LRTM2: variants seen among roughly 807,000 people sequenced by gnomAD.
LRTM2 encodes the protein leucine rich repeat transmembrane protein 2, also known as leucine-rich repeat and transmembrane domain-containing protein 2.
LRTM2 carries 18 observed loss-of-function variants against 28.1 expected under a neutral mutation model. That is an observed-to-expected ratio of 0.64 (90% CI 0.44 to 0.95). LRTM2 has a LOEUF of 0.95. Among genes scored for constraint, LRTM2 ranks in the 40% least tolerant of loss-of-function variants. LRTM2 has a pLI of 0.00. For missense variants in LRTM2, 436 were observed against 497.2 expected, an observed-to-expected ratio of 0.88 and a Z score of 1.17; for synonymous variants, 250 against 218.7, an observed-to-expected ratio of 1.14 and a Z score of -1.26.
chr12:1,822,874 C>T (rs1864163809), intron 1 of LRTM2, among the ~76,000 whole-genome samples: 2 of 152,154 alleles, frequency 1.3e-5, no homozygotes, highest in African/African-American at 4.8e-5. Flanking sequence ...GAATCTCGGG[C>T]CGTCTTTGGC....
chr12:1,830,540 T>C (rs1201885271), intron 3 of LRTM2, among the ~76,000 whole-genome samples: 1 of 152,138 alleles, frequency 6.6e-6, no homozygotes, highest in Non-Finnish European at 1.5e-5. Context: ...CTTATCTCCT[T>C]TCTTGTGTCA....
chr12:1,825,164 G>A (rs1324669108), intron 1 of LRTM2, among the ~76,000 whole-genome samples: 2 of 152,224 alleles, frequency 1.3e-5, no homozygotes, highest in African/African-American at 4.8e-5. Flanking sequence ...CTCCAGACCT[G>A]CACAAGAGGC....
At chr12:1,824,352 C>T (rs1025521553) in intron 1 of LRTM2, among the ~76,000 whole-genome samples, 8 of 152,206 alleles carry the variant, frequency 5.3e-5, no homozygotes, top group Admixed American at 3.3e-4. Flanking sequence ...AGACCAATGC[C>T]GCTGGTCCAT....
At chr12:1,825,947 G>A (rs1430282643) in intron 1 of LRTM2, among the ~76,000 whole-genome samples, 1 of 152,216 alleles carries the variant, frequency 6.6e-6, no homozygotes, top group Non-Finnish European at 1.5e-5. Flanking sequence ...AAGAGAGATT[G>A]TGCTGAAGGT....
Position 1,822,619 on chromosome 12 carries a change from A to G in LRTM2, c.-259+1805A>G, listed in dbSNP as rs11061986. Among the ~76,000 whole-genome samples the G allele has an allele frequency of 9.9e-3, 1,511 of 152,290 alleles. 33 individuals are homozygous for G. Among genetic ancestry groups the G allele is most frequent in the African/African-American group, 0.035 (1,449 of 41,548 alleles). On this transcript the variant is annotated intron_variant, in intron 1 of 4. Transcript: ENST00000299194. Reference sequence around the variant, plus strand: ...TTGAGATTGAGAATATTTGACAAGGAAACGGGGGTGCAGGAGGCTGGGGGT... The same window carrying G: ...TTGAGATTGAGAATATTTGACAAGGGAACGGGGGTGCAGGAGGCTGGGGGT...
At chr12:1,826,412 C>CCA (rs1864327070) in intron 1 of LRTM2, among the ~76,000 whole-genome samples, 3 of 41,626 alleles carry the variant, frequency 7.2e-5, no homozygotes, top group African/African-American at 1.2e-4. Flanking sequence ...CCCCCCCCCC[C>CCA]CCCCGCCAAC....
chr12:1,826,304 C>G (rs545787233), intron 1 of LRTM2, among the ~76,000 whole-genome samples: 1 of 151,972 alleles, frequency 6.6e-6, no homozygotes, highest in South Asian at 2.1e-4. Flanking sequence ...CTCCACCAAG[C>G]AGGTATTGCG....
chr12:1,833,653 C>G lies in LRTM2; in HGVS notation c.659-614C>G, dbSNP rs991579298. 1.3e-5 allele frequency among the ~76,000 whole-genome samples: 2 copies of G among 152,160 alleles called. No homozygotes were observed. The highest frequency in any genetic ancestry group is 2.9e-5 in the Non-Finnish European group (2 of 68,036). Reference sequence around the variant, plus strand: ...TCCTAAGGAGGAGAAGGAGAACATTCCTGCCCAACTCTTTTCCTCTTTACG... The same window carrying G: ...TCCTAAGGAGGAGAAGGAGAACATTGCTGCCCAACTCTTTTCCTCTTTACG... On this transcript the variant is annotated intron_variant, in intron 4 of 4. Transcript: ENST00000299194. The surrounding 1 kb of genome is among the most constrained non-coding windows in gnomAD (Gnocchi z 4.2).
rs955824510 is a variant in LRTM2 at position 1,823,597 on chromosome 12, G to A, written c.-259+2783G>A. Among the ~76,000 whole-genome samples the A allele has an allele frequency of 7.4e-5, 11 of 149,216 alleles. No individual in the cohort carries two copies. In the East Asian group the frequency reaches 1.4e-3, roughly 19 times the overall value. On this transcript the variant is annotated intron_variant, in intron 1 of 4. Coordinates refer to ENST00000299194, the MANE Select transcript of LRTM2 (RefSeq NM_001039029.3). ...CTTGGCTCCCCCAGAACAGAGCTCC[G>A]GCCTACTCCCCTCACCTCAGCACAC...
At chr12:1,827,970 G>A in intron 2 of LRTM2, 106 bp from the exon 3 acceptor site, 1 of 443,838 alleles carries the variant, frequency 2.3e-6, no homozygotes. Flanking sequence ...AGAGGAACAG[G>A]AGAGGGCATG....
chr12:1,836,750 T>A lies in LRTM2; in HGVS notation c.*2029T>A, dbSNP rs768150924. ...GACCAATAAAGACTGTATTTTCCTA[T>A]GTACTTCCTGGTTTCATTGGGTGGG... On this transcript the variant is annotated 3_prime_UTR_variant, in exon 5 of 5. Coordinates refer to ENST00000299194, the MANE Select transcript of LRTM2 (RefSeq NM_001039029.3). The A allele has an allele frequency of 6.5e-6, 1 of 152,708 alleles. No individual in the cohort carries two copies. The highest frequency in any genetic ancestry group is 1.5e-5 in the Non-Finnish European group (1 of 68,066). The allele number at this position is 152,708 out of a possible 1,614,324, so 9.5% of individuals were successfully genotyped here. A position where few individuals can be genotyped will look rare whatever the true frequency, so the allele number is the denominator to read the frequency against.
At position 1,834,563 on chromosome 12, in the gene LRTM2, G is replaced by A. The variant is rs140567368; in HGVS notation, c.955G>A (p.Gly319Ser). The change falls in exon 5 of 5, where the codon GGC becomes AGC. Residue 319 changes from glycine to serine, a missense_variant. Gly to Ser is a moderately conservative substitution (Grantham distance 56). Coordinates refer to ENST00000299194, the MANE Select transcript of LRTM2 (RefSeq NM_001039029.3). The surrounding 1 kb of genome is among the most constrained non-coding windows in gnomAD (Gnocchi z 7.6). Reference protein sequence around the residue: ...GTVIIAGVVCGVVCIMMVVAA... With the variant: ...GTVIIAGVVCSVVCIMMVVAA... Reference sequence around the variant, plus strand: ...GGTGATCATTGCAGGGGTCGTGTGCGGCGTCGTCTGCATCATGATGGTGGT... The same window carrying A: ...GGTGATCATTGCAGGGGTCGTGTGCAGCGTCGTCTGCATCATGATGGTGGT... The A allele has an allele frequency of 1.2e-5, 19 of 1,601,956 alleles. No individual in the cohort carries two copies. The highest frequency in any genetic ancestry group is 6.7e-5 in the Admixed American group (4 of 60,018).
rs1428292829 is a variant in LRTM2, at chr12:1,829,121, T to A, written c.67+906T>A. Among the ~76,000 whole-genome samples, 1 of 152,136 alleles carries A rather than the reference T, an allele frequency of 6.6e-6. No individual in the cohort carries two copies. The highest frequency in any genetic ancestry group is 2.4e-5 in the African/African-American group (1 of 41,418). ...CAACACCTCGCAATACGGGCTTATGTTTTCTTGTCACTGGAGCTTTTATGC... is the reference window on the plus strand; with the variant it reads ...CAACACCTCGCAATACGGGCTTATGATTTCTTGTCACTGGAGCTTTTATGC... On this transcript the variant is annotated intron_variant, in intron 3 of 4. Transcript: ENST00000299194. This position sits in a 1 kb window ranked among gnomAD's most constrained non-coding sequence, Gnocchi z 4.2.
At chr12:1,830,417 G>A (rs1864569543) in intron 3 of LRTM2, among the ~76,000 whole-genome samples, 1 of 152,250 alleles carries the variant, frequency 6.6e-6, no homozygotes. Context: ...CTCCAGAGTT[G>A]GGGTGGGCCA....
chr12:1,821,580 G>A (rs1370424895), intron 1 of LRTM2, among the ~76,000 whole-genome samples: 1 of 152,144 alleles, frequency 6.6e-6, no homozygotes, highest in Admixed American at 6.5e-5. Flanking sequence ...TCTGCAAATG[G>A]GTCAGGGAGC....
chr12:1,828,066 C>T lies in LRTM2; in HGVS notation c.-73-10C>T. On this transcript the variant is annotated splice_polypyrimidine_tract_variant and intron_variant, in intron 2 of 4. Coordinates refer to ENST00000299194, the MANE Select transcript of LRTM2 (RefSeq NM_001039029.3). This position sits in a 1 kb window ranked among gnomAD's most constrained non-coding sequence, Gnocchi z 4.2. ...CGCCTGCCTGTGCTCAGTGCTCCTC[C>T]CTCCCTCAGGACTGACAGGCGGCGC... 2 of 1,334,724 alleles carry T rather than the reference C, an allele frequency of 1.5e-6. No individual in the cohort carries two copies. Among genetic ancestry groups the T allele is most frequent in the Non-Finnish European group, 2.0e-6 (2 of 1,008,270 alleles). 82.7% of individuals were successfully genotyped at this position (1,334,724 alleles called of 1,614,324 possible).
chr12:1,834,864 G>A lies in LRTM2; in HGVS notation c.*143G>A, dbSNP rs949274209. 2.5e-5 allele frequency: 35 copies of A among 1,414,636 alleles called. No individual in the cohort carries two copies. The highest frequency in any genetic ancestry group is 2.9e-5 in the Admixed American group (1 of 34,940). The allele number at this position is 1,414,636 out of a possible 1,614,324, so 87.6% of individuals were successfully genotyped here. On this transcript the variant is annotated 3_prime_UTR_variant, in exon 5 of 5. Transcript: ENST00000299194. This position sits in a 1 kb window ranked among gnomAD's most constrained non-coding sequence, Gnocchi z 7.6. ...CGCCCTCCAGCAGACAAGCCACACC[G>A]GGTTCTCTCCCTGCACTTTCGAGGC... is the stretch of plus-strand genomic sequence containing the variant.
At chr12:1,825,012 G>T (rs1721675186) in intron 1 of LRTM2, among the ~76,000 whole-genome samples, 1 of 152,236 alleles carries the variant, frequency 6.6e-6, no homozygotes, top group African/African-American at 2.4e-5. Flanking sequence ...GAACCTGGGG[G>T]CCTTGTTTTC....
In LRTM2 at chr12:1,834,453, G is replaced by A. The variant is rs767459179; in HGVS notation, c.845G>A (p.Gly282Glu). 2 of 1,611,608 alleles carry A rather than the reference G, an allele frequency of 1.2e-6. No individual in the cohort carries two copies. The highest frequency in any genetic ancestry group is 2.7e-5 in the African/African-American group (2 of 74,918). ...ASPEPAKPKP[G>E]AEPEPEPSTA... is the part of the protein sequence containing the mutation. ...CCAGAGCCTGCTAAGCCCAAGCCCG[G>A]GGCTGAGCCGGAGCCGGAGCCCAGC... Residue 282 changes from glycine (G) to glutamate (E), a missense_variant, in exon 5 of 5, where the codon GGG (glycine) becomes GAG (glutamate). Gly to Glu is a moderately conservative substitution (Grantham distance 98). Transcript: ENST00000299194. This position sits in a 1 kb window ranked among gnomAD's most constrained non-coding sequence, Gnocchi z 7.6.
Sources: gnomAD v4.1 joint callset for allele counts (sites outside exome capture counted in the v4.1 genomes callset) on GRCh38, gnomAD v4.1.1 for gene constraint, Gnocchi (gnomAD v3.1) non-coding constraint, MANE v1.5 for transcripts, NCBI Gene and HGNC (gene_info 2026-07-23, HGNC 2026-07-21) for gene names.